MYH13: variants seen among roughly 807,000 people sequenced by gnomAD.
The protein encoded by MYH13 is myosin heavy chain 13, also known as myosin-13.
MYH13 carries 177 observed loss-of-function variants against 232.1 expected under a neutral mutation model. The ratio of observed to expected loss-of-function variants is 0.76; its 90% CI spans 0.67 to 0.86. The LOEUF is 0.86. Among genes scored for constraint, MYH13 ranks in the 40% least tolerant of loss-of-function variants. The pLI is 0.00. For missense variants in MYH13, 2,246 were observed against 2,405.9 expected, an observed-to-expected ratio of 0.93 and a Z score of 1.39; for synonymous variants, 884 against 923.5, an observed-to-expected ratio of 0.96 and a Z score of 0.78.
intron 24 of MYH13, 28 bp downstream of exon 24, chr17:10,321,504 C>T: frequency 6.3e-7 from 1 of 1,599,558 alleles, no homozygotes; most frequent in South Asian, 1.1e-5. Flanking sequence ...GTGATAAATG[C>T]TAAAGCATAG....
intron 3 of MYH13, among the ~76,000 whole-genome samples, chr17:10,363,511 G>GA (rs2071810447): frequency 6.6e-6 from 1 of 152,102 alleles, no homozygotes. Context: ...CCCAAGACTA[G>GA]AAAAAGAGAA....
intron 18 of MYH13, among the ~76,000 whole-genome samples, chr17:10,338,044 T>A (rs1050402306): frequency 6.6e-6 from 1 of 151,306 alleles, no homozygotes; most frequent in Non-Finnish European, 1.5e-5. Context: ...AGAGCGAGAG[T>A]CTGTCTCAAA....
intron 23 of MYH13, 78 bp from the exon 24 acceptor site, chr17:10,321,786 T>G (rs1906948878): frequency 7.4e-7 from 1 of 1,347,180 alleles, no homozygotes. Flanking sequence ...ATTGCTTCTT[T>G]GCTCATTTTT....
At position 10,306,220 on chromosome 17, in the gene MYH13, A is replaced by ATGTGTGTGTGTGTGTG. The variant is rs34889608; in HGVS notation, c.5466+223_5466+238dup. ...CTGAGGTGTGAGCATACCAAAATAG[A>ATGTGTGTGTGTGTGTG]TGTGTGTGTGTGTGTGTGTGTGTGT... On this transcript the variant is annotated intron_variant, in intron 37 of 40. Transcript: ENST00000252172. This position sits in a 1 kb window ranked among gnomAD's most constrained non-coding sequence, Gnocchi z 4.3. 7.2e-3 allele frequency among the ~76,000 whole-genome samples: 931 copies of ATGTGTGTGTGTGTGTG among 130,004 alleles called. 10 individuals are homozygous for ATGTGTGTGTGTGTGTG. Among genetic ancestry groups the ATGTGTGTGTGTGTGTG allele is most frequent in the Non-Finnish European group, 0.011 (656 of 61,016 alleles). 85.3% of individuals were successfully genotyped at this position (130,004 alleles called of 152,430 possible).
At position 10,315,705 on chromosome 17, in the gene MYH13, T is replaced by C; in HGVS notation, c.3972A>G (p.Glu1324=). The part of the protein sequence containing the change: ...QQLEELKRQM[E]EETKAKNAMA... ...TCTATATCTTTACCTTGGTTTCTTC[T>C]TCCATTTGCCTCTTAAGCTCCTCCA... Residue 1324 remains glutamate (E), a synonymous_variant, in exon 29 of 41, where the codon GAA becomes GAG. Transcript: ENST00000252172. 6.2e-7 allele frequency: 1 copy of C among 1,613,956 alleles called. No individual in the cohort carries two copies.
At position 10,306,646 on chromosome 17, in the gene MYH13, GA is replaced by G. The variant is rs765658676; in HGVS notation, c.5296-18del. On this transcript the variant is annotated intron_variant, in intron 36 of 40. Transcript: ENST00000252172. The surrounding 1 kb of genome is among the most constrained non-coding windows in gnomAD (Gnocchi z 4.3). ...CATGGCAGCCTGGTTAAGTTCACAG[GA>G]CACATCAGAGGCCCTGTCCGCCCAT... 3.1e-6 allele frequency: 5 copies of G among 1,613,620 alleles called. No individual in the cohort carries two copies. The East Asian group carries it at 1.1e-4, about 36-fold the overall frequency.
chr17:10,343,470 G>T (rs1260426133), intron 16 of MYH13, among the ~76,000 whole-genome samples: 2 of 152,180 alleles, frequency 1.3e-5, no homozygotes, highest in Non-Finnish European at 2.9e-5. Context: ...AAAGAGCTGG[G>T]ATTACAGGCC....
At chr17:10,350,860 C>T (rs1415463416) in intron 11 of MYH13, 166 bp from the exon 12 acceptor site, 6 of 874,008 alleles carry the variant, frequency 6.9e-6, no homozygotes, top group South Asian at 1.4e-5. Flanking sequence ...ATTTGTTTCA[C>T]GTGTTTGTGT....
In MYH13 at chr17:10,354,730, C is replaced by T. The variant is rs759681965; in HGVS notation, c.955G>A (p.Glu319Lys). The change falls in exon 11 of 41, where the codon GAG (glutamate) becomes AAG (lysine). Residue 319 changes from glutamate (E) to lysine (K), a missense_variant. Transcript: ENST00000252172. ...PFDFPFVSQG[E>K]VTVASIDDSE... ...TCATCGATACTGGCTACCGTGACCT[C>T]TCCTTGGCTCACGAAGGGGAAGTCG... 6 of 1,613,978 alleles carry T rather than the reference C, an allele frequency of 3.7e-6. No homozygotes were observed. The Admixed American group carries it at 1.0e-4, about 27-fold the overall frequency.
At chr17:10,353,982 A>G (rs991886654) in intron 11 of MYH13, among the ~76,000 whole-genome samples, 10 of 152,226 alleles carry the variant, frequency 6.6e-5, no homozygotes, top group Admixed American at 1.3e-4. Flanking sequence ...AGACTCTGTC[A>G]TTGACGAATT....
chr17:10,318,177 G>T (rs1906784862), intron 27 of MYH13, among the ~76,000 whole-genome samples: 1 of 152,222 alleles, frequency 6.6e-6, no homozygotes, highest in Admixed American at 6.5e-5. Flanking sequence ...GGGAGGTAGA[G>T]GTTGCAGTGA....
In MYH13 at chr17:10,312,060, T is replaced by G. The variant is rs957983850; in HGVS notation, c.4382A>C (p.Lys1461Thr). 1 of 1,613,650 alleles carries G rather than the reference T, an allele frequency of 6.2e-7. No homozygotes were observed. The highest frequency in any genetic ancestry group is 8.5e-7 in the Non-Finnish European group (1 of 1,179,898). The part of the protein sequence containing the change: ...RNFDKVLAEW[K>T]QKLDESQAEL... ...AGCCTGGCTTTCGTCCAGCTTTTGC[T>G]TCCACTCTGCAAGGACCTGGGAGAT... Residue 1461 changes from lysine (K) to threonine (T), a missense_variant, in exon 32 of 41, where the codon AAG (lysine) becomes ACG (threonine). Transcript: ENST00000252172.
chr17:10,303,747 C>T (rs1414938643), intron 37 of MYH13, among the ~76,000 whole-genome samples: 1 of 152,092 alleles, frequency 6.6e-6, no homozygotes, highest in African/African-American at 2.4e-5. Context: ...CTAGAAATAC[C>T]ATTTGACCCA....
At position 10,361,948 on chromosome 17, in the gene MYH13, A is replaced by G. The variant is rs140660226; in HGVS notation, c.505+170T>C. The stretch of plus-strand genomic sequence containing the variant: ...GCCATAATCACAGGCCTTGTCATGC[A>G]CTGTGACTGGCAATGGAAGATGTTG... On this transcript the variant is annotated intron_variant, in intron 5 of 40. Transcript: ENST00000252172. Among the ~76,000 whole-genome samples the G allele has an allele frequency of 1.4e-4, 21 of 152,350 alleles. No individual in the cohort carries two copies. The East Asian group carries it at 2.1e-3, about 15-fold the overall frequency.
intron 11 of MYH13, among the ~76,000 whole-genome samples, chr17:10,352,636 G>A (rs934527599): frequency 6.6e-6 from 1 of 151,988 alleles, no homozygotes; most frequent in Admixed American, 6.5e-5. Context: ...TGAGAGGAAG[G>A]AGCAACAGCC....
At chr17:10,305,286 T>C (rs191102160) in intron 37 of MYH13, among the ~76,000 whole-genome samples, 1 of 152,286 alleles carries the variant, frequency 6.6e-6, no homozygotes, top group East Asian at 1.9e-4. Context: ...CTAATCCTTT[T>C]CCCATAGGAG....
In MYH13 at chr17:10,313,201, C is replaced by A; in HGVS notation, c.4138G>T (p.Glu1380Ter). ...TCTGTGCGCTGAATGGCGTCCGTCTCGTATTTGGTCCTCCACTGGGCAACC... is the reference window on the plus strand; with the variant it reads ...TCTGTGCGCTGAATGGCGTCCGTCTAGTATTTGGTCCTCCACTGGGCAACC... ...SEVAQWRTKYETDAIQRTEEL... is the reference protein window; with the variant it reads ...SEVAQWRTKY Residue 1380 changes from glutamate (E) to a stop codon, truncating the protein, a stop_gained, in exon 30 of 41, where the codon GAG becomes TAG. Coordinates refer to ENST00000252172, the MANE Select transcript of MYH13 (RefSeq NM_003802.3). LOFTEE classifies it high-confidence loss of function. 1 of 1,614,198 alleles carries A rather than the reference C, an allele frequency of 6.2e-7. No individual in the cohort carries two copies. The highest frequency in any genetic ancestry group is 2.2e-5 in the East Asian group (1 of 44,874).
chr17:10,322,009 C>T (rs1321279192), intron 23 of MYH13, among the ~76,000 whole-genome samples: 1 of 152,126 alleles, frequency 6.6e-6, no homozygotes, highest in East Asian at 1.9e-4. Context: ...TATATTCGCT[C>T]ATAATATGTC....
intron 5 of MYH13, 45 bp from the exon 6 acceptor site, chr17:10,360,233 C>T: frequency 6.3e-7 from 1 of 1,594,780 alleles, no homozygotes; most frequent in Non-Finnish European, 8.6e-7. Flanking sequence ...AAACAACAAA[C>T]AGAATGTTAA....
Sources: gnomAD v4.1 joint callset for allele counts (sites outside exome capture counted in the v4.1 genomes callset) on GRCh38, gnomAD v4.1.1 for gene constraint, Gnocchi (gnomAD v3.1) non-coding constraint, MANE v1.5 for transcripts, NCBI Gene and HGNC (gene_info 2026-07-23, HGNC 2026-07-21) for gene names.